Variants in MTR observed in about 807,000 individuals in gnomAD.
MTR encodes 5-methyltetrahydrofolate-homocysteine methyltransferase.
Under a neutral mutation model 154.8 loss-of-function variants are expected in MTR, and 84 were observed. That is an observed-to-expected ratio of 0.54 (90% CI 0.45 to 0.65). The LOEUF is 0.65. Among genes scored for constraint, MTR ranks in the 30% least tolerant of loss-of-function variants. The probability of loss-of-function intolerance (pLI) is 0.00; values close to 1 mark genes in which losing one functional copy is unlikely to be tolerated. For missense variants in MTR, 1,275 were observed against 1,570.2 expected (o/e 0.81, Z 3.18); for synonymous variants, 554 against 553.9 (o/e 1.00, Z 0.00).
chr1:236,818,598 AATGT>A (rs1250213740), intron 8 of MTR, among the ~76,000 whole-genome samples: 1 of 152,264 alleles, frequency 6.6e-6, no homozygotes, highest in African/African-American at 2.4e-5. Context: ...TCACAGAGAG[AATGT>A]ATTTGCTCTC....
At chr1:236,835,886 T>C (rs1662878718) in intron 14 of MTR, among the ~76,000 whole-genome samples, 199 bp downstream of exon 14, 1 of 152,142 alleles carries the variant, frequency 6.6e-6, no homozygotes, top group Non-Finnish European at 1.5e-5. Flanking sequence ...TGGAGACAGC[T>C]GTGGCTTCAG....
intron 22 of MTR, among the ~76,000 whole-genome samples, chr1:236,868,745 C>T (rs1348205901): frequency 1.3e-5 from 2 of 152,070 alleles, no homozygotes; most frequent in Non-Finnish European, 2.9e-5. Context: ...ATATAACTGT[C>T]TAGTATACGT....
chr1:236,824,292 T>C, intron 9 of MTR, 73 bp downstream of exon 9: 1 of 1,239,102 alleles, frequency 8.1e-7, no homozygotes, highest in Non-Finnish European at 1.2e-6. Context: ...AGGTAAGAGA[T>C]CTTGAATAAA....
At chr1:236,836,511 C>T (rs1295116179) in intron 14 of MTR, among the ~76,000 whole-genome samples, 1 of 152,178 alleles carries the variant, frequency 6.6e-6, no homozygotes, top group Non-Finnish European at 1.5e-5. Flanking sequence ...GGTAGGATTG[C>T]AGTTGTGAGC....
chr1:236,847,264 C>T (rs950910017), intron 15 of MTR, among the ~76,000 whole-genome samples: 1 of 152,184 alleles, frequency 6.6e-6, no homozygotes, highest in African/African-American at 2.4e-5. Context: ...TCTTCAACTA[C>T]TTCAGTTCGA....
chr1:236,875,731 G>A (rs1665395265), intron 24 of MTR, among the ~76,000 whole-genome samples: 3 of 152,146 alleles, frequency 2.0e-5, no homozygotes, highest in African/African-American at 7.2e-5. Context: ...CTGGTTATAG[G>A]TATGCAAAAG....
At chr1:236,806,885 CA>C (rs1661014986) in intron 3 of MTR, among the ~76,000 whole-genome samples, 1 of 152,164 alleles carries the variant, frequency 6.6e-6, no homozygotes, top group African/African-American at 2.4e-5. Context: ...GTAATGTCCT[CA>C]AGGTTCATCC....
At chr1:236,868,291 C>T (rs2712832) in intron 22 of MTR, among the ~76,000 whole-genome samples, 152,182 of 152,286 alleles carry the variant, frequency 1, 76,040 homozygotes, top group Middle Eastern at 1. Flanking sequence ...TTTTTAGCAA[C>T]AAGTATTTTT....
At chr1:236,835,150 G>A (rs1032748107) in intron 13 of MTR, among the ~76,000 whole-genome samples, 13 of 151,912 alleles carry the variant, frequency 8.6e-5, no homozygotes, top group Non-Finnish European at 1.3e-4. Flanking sequence ...AAGGGATTGC[G>A]TTCCAAGCAG....
chr1:236,891,038 G>C, intron 28 of MTR, 95 bp from the exon 29 acceptor site: 1 of 1,355,758 alleles, frequency 7.4e-7, no homozygotes, highest in Non-Finnish European at 1.1e-6. Flanking sequence ...GAAGAGGGAA[G>C]GTGACTGAGG....
chr1:236,880,358 A>C (rs1233041635), intron 24 of MTR, among the ~76,000 whole-genome samples: 2 of 152,008 alleles, frequency 1.3e-5, no homozygotes, highest in Non-Finnish European at 2.9e-5. Flanking sequence ...CCGGTTCCTT[A>C]GGGGCCCTGG....
Position 236,901,812 on chromosome 1 carries a change from A to G in MTR, c.*4168A>G, listed in dbSNP as rs1368570895. ...GACCTAATTACCTCCCAAAGATGCC[A>G]TCTCCAAACACCATCATTCTGGGGA... On this transcript the variant is annotated 3_prime_UTR_variant, in exon 33 of 33. Coordinates refer to ENST00000366577, the MANE Select transcript of MTR (RefSeq NM_000254.3). The G allele has an allele frequency of 2.0e-5, 3 of 152,368 alleles. No homozygotes were observed. The highest frequency in any genetic ancestry group is 2.9e-5 in the Non-Finnish European group (2 of 68,074). The allele number at this position is 152,368 out of a possible 1,614,324, so 9.4% of individuals were successfully genotyped here.
intron 24 of MTR, among the ~76,000 whole-genome samples, chr1:236,879,710 A>T (rs1227019659): frequency 6.6e-6 from 1 of 152,220 alleles, no homozygotes; most frequent in African/African-American, 2.4e-5. Flanking sequence ...AGCCTATCCT[A>T]TTGCTGTAAA....
rs1666993529 is a variant in MTR at position 236,903,122 on chromosome 1, A to G, written c.*5478A>G. On this transcript the variant is annotated 3_prime_UTR_variant, in exon 33 of 33. Transcript: ENST00000366577. ...GCACTCCAGCCTGTGCTGAGACCTC[A>G]TCTCTTAAAAAATAAAAAATAAAAA... 6.6e-6 allele frequency: 1 copy of G among 152,296 alleles called. No individual in the cohort carries two copies. Among genetic ancestry groups the G allele is most frequent in the Non-Finnish European group, 1.5e-5 (1 of 68,032 alleles). The allele number at this position is 152,296 out of a possible 1,614,324, so 9.4% of individuals were successfully genotyped here.
rs1412946237 is a variant in MTR at position 236,852,423 on chromosome 1, G to A, written c.1696-98G>A. ...TTACTTTGAACTTCGGATGCTTTTT[G>A]TTTTTTTTTCTTTCCACTCCTATAT... On this transcript the variant is annotated intron_variant, in intron 16 of 32. Coordinates refer to ENST00000366577, the MANE Select transcript of MTR (RefSeq NM_000254.3). The A allele has an allele frequency of 9.0e-5, 79 of 875,564 alleles. 1 individual carries two copies. The highest frequency in any genetic ancestry group is 7.3e-4 in the South Asian group (52 of 71,554). The allele number at this position is 875,564 out of a possible 1,614,324, so 54.2% of individuals were successfully genotyped here. A position where few individuals can be genotyped will look rare whatever the true frequency, so the allele number is the denominator to read the frequency against.
chr1:236,873,195 G>A (rs1211213036), intron 22 of MTR, among the ~76,000 whole-genome samples: 1 of 152,182 alleles, frequency 6.6e-6, no homozygotes, highest in African/African-American at 2.4e-5. Context: ...GATGAATACT[G>A]TATTATTCTA....
At chr1:236,844,858 A>G (rs1663479756) in intron 15 of MTR, among the ~76,000 whole-genome samples, 1 of 152,134 alleles carries the variant, frequency 6.6e-6, no homozygotes, top group Admixed American at 6.5e-5. Flanking sequence ...TAGGAGTGCA[A>G]AGCAGACTCA....
chr1:236,823,893 C>A (rs1013355964), intron 8 of MTR, among the ~76,000 whole-genome samples: 1 of 135,794 alleles, frequency 7.4e-6, no homozygotes. Context: ...TTGAGGAGTC[C>A]ACCCACAGGC....
chr1:236,875,166 C>T (rs1031530827), intron 24 of MTR, among the ~76,000 whole-genome samples: 1 of 152,162 alleles, frequency 6.6e-6, no homozygotes, highest in Admixed American at 6.5e-5. Flanking sequence ...GAAATTAAAC[C>T]GAGTGGAGAA....
Sources: gnomAD v4.1 joint callset for allele counts (sites outside exome capture counted in the v4.1 genomes callset) on GRCh38, gnomAD v4.1.1 for gene constraint, MANE v1.5 for transcripts, NCBI Gene and HGNC (gene_info 2026-07-23, HGNC 2026-07-21) for gene names.